The following AMPD3 variants were observed in gnomAD, a reference collection of about 807,000 sequenced individuals.
AMPD3 encodes the protein adenosine monophosphate deaminase 3, also known as AMP deaminase 3.
In AMPD3, 57 loss-of-function variants were observed where a neutral mutation model predicts 82.3. The ratio of observed to expected loss-of-function variants is 0.69; its 90% CI spans 0.56 to 0.86. The LOEUF (loss-of-function observed/expected upper bound fraction) is 0.86, where lower values mean the gene tolerates loss of function less well. AMPD3 is among the 40% of genes least tolerant of loss of function. The pLI is 0.00. For synonymous variants in AMPD3, 381 were observed against 394.7 expected (o/e 0.97, Z 0.41); for missense variants, 870 against 1,003.8 (o/e 0.87, Z 1.80).
intron 2 of AMPD3, among the ~76,000 whole-genome samples, chr11:10,476,522 C>T (rs950649757): frequency 1.3e-5 from 2 of 151,474 alleles, no homozygotes; most frequent in African/African-American, 2.4e-5. Flanking sequence ...AGCTGTTGCT[C>T]ACCTTAGATG....
chr11:10,492,172 T>A (rs1849258266), intron 6 of AMPD3, among the ~76,000 whole-genome samples: 1 of 152,232 alleles, frequency 6.6e-6, no homozygotes, highest in Admixed American at 6.5e-5. Context: ...GAGACCTTGC[T>A]GGGCTCCTTC....
At chr11:10,460,304 G>A (rs965171182) in intron 1 of AMPD3, among the ~76,000 whole-genome samples, 2 of 150,954 alleles carry the variant, frequency 1.3e-5, no homozygotes, top group African/African-American at 4.9e-5. Context: ...TTGCCATGTT[G>A]TCCAGGCTGG....
Position 10,507,383 on chromosome 11 carries a change from G to A in AMPD3, c.*1499G>A, listed in dbSNP as rs1849737312. ...AAGTATAAATGCAGTCTTTTTACTA[G>A]GCAGATATATATGCTATCTTACAGC... On this transcript the variant is annotated 3_prime_UTR_variant, in exon 15 of 15. Transcript: ENST00000396553. 1 of 151,704 alleles carries A rather than the reference G, an allele frequency of 6.6e-6. No homozygotes were observed. Among genetic ancestry groups the A allele is most frequent in the Non-Finnish European group, 1.5e-5 (1 of 68,028 alleles). The allele number at this position is 151,704 out of a possible 1,614,324, so 9.4% of individuals were successfully genotyped here. A position where few individuals can be genotyped will look rare whatever the true frequency, so the allele number is the denominator to read the frequency against.
intron 6 of AMPD3, among the ~76,000 whole-genome samples, chr11:10,492,862 T>C (rs1016788985): frequency 3.3e-5 from 5 of 151,974 alleles, no homozygotes; most frequent in Non-Finnish European, 5.9e-5. Flanking sequence ...GTGGATGAGA[T>C]GGTGGAGAGA....
In AMPD3 at chr11:10,505,338, A is replaced by T. The variant is rs1849688102; in HGVS notation, c.2128-370A>T. On this transcript the variant is annotated intron_variant, in intron 14 of 14. Coordinates refer to ENST00000396553, the MANE Select transcript of AMPD3 (RefSeq NM_001025389.2). Reference sequence around the variant, plus strand: ...TTTCATGCGCAGTGTGGTGCCTTGGATTGGCCCTCCCCAGGAACATTGTCC... The same window carrying T: ...TTTCATGCGCAGTGTGGTGCCTTGGTTTGGCCCTCCCCAGGAACATTGTCC... 3.0e-6 allele frequency: 3 copies of T among 985,020 alleles called. No individual in the cohort carries two copies. In the African/African-American group the frequency reaches 5.3e-5, roughly 17 times the overall value. The allele number at this position is 985,020 out of a possible 1,614,324, so 61.0% of individuals were successfully genotyped here. A position where few individuals can be genotyped will look rare whatever the true frequency, so the allele number is the denominator to read the frequency against.
Position 10,493,439 on chromosome 11 carries a change from A to C in AMPD3, c.1030A>C (p.Thr344Pro), listed in dbSNP as rs886990242. Residue 344 changes from threonine to proline, a missense_variant, in exon 7 of 15, where the codon ACT becomes CCT. Physicochemically the swap from Thr to Pro is conservative, Grantham distance 38. Transcript: ENST00000396553. ...KHTYQTEPDR[T>P]VAEKRGRKIT... ...CACATACCAGACGGAGCCTGACAGG[A>C]CTGTGGCAGAGAAGCGGGGCCGGAA... 3.7e-6 allele frequency: 6 copies of C among 1,614,088 alleles called. No homozygotes were observed. The African/African-American group carries it at 8.0e-5, about 22-fold the overall frequency.
rs868459555 is a variant in AMPD3 at position 10,492,033 on chromosome 11, A to G, written c.940-1316A>G. ...CAGGCATCAAGAAATTCCATTATTA[A>G]GAGGTCTGGTAGTGAGGATGAGCTG... On this transcript the variant is annotated intron_variant, in intron 6 of 14. Coordinates refer to ENST00000396553, the MANE Select transcript of AMPD3 (RefSeq NM_001025389.2). Among the ~76,000 whole-genome samples the G allele has an allele frequency of 6.6e-5, 10 of 152,324 alleles. No individual in the cohort carries two copies. The Middle Eastern group carries it at 0.01, about 155-fold the overall frequency.
At chr11:10,484,690 A>G in intron 4 of AMPD3, 130 bp from the exon 5 acceptor site, 1 of 1,257,732 alleles carries the variant, frequency 8.0e-7, no homozygotes, top group South Asian at 1.3e-5. Context: ...AGGGAAGAGC[A>G]TATGAGATGC....
chr11:10,498,581 G>A (rs1849488717), intron 10 of AMPD3: 1 of 152,444 alleles, frequency 6.6e-6, no homozygotes, highest in Admixed American at 6.5e-5. Context: ...AACCCGTCTA[G>A]GGAGTGCTTA....
At chr11:10,503,330 T>G (rs1410722909) in intron 13 of AMPD3, among the ~76,000 whole-genome samples, 1 of 152,352 alleles carries the variant, frequency 6.6e-6, no homozygotes, top group East Asian at 1.9e-4. Context: ...TCAATGCTAT[T>G]ATAATTTCTA....
At chr11:10,469,484 T>C (rs536604459) in intron 2 of AMPD3, among the ~76,000 whole-genome samples, 1 of 152,246 alleles carries the variant, frequency 6.6e-6, no homozygotes, top group Non-Finnish European at 1.5e-5. Context: ...TAACAAGTTA[T>C]GAAATTGAGG....
At chr11:10,503,319 A>T (rs1166521264) in intron 13 of AMPD3, among the ~76,000 whole-genome samples, 2 of 152,252 alleles carry the variant, frequency 1.3e-5, no homozygotes, top group Non-Finnish European at 2.9e-5. Context: ...TACTTTTTAA[A>T]TCAATGCTAT....
chr11:10,497,773 G>T (rs1435981822), intron 10 of AMPD3: 6 of 985,244 alleles, frequency 6.1e-6, no homozygotes, highest in Admixed American at 6.1e-5. Context: ...GACAGGAGGG[G>T]AGCTTGACCC....
chr11:10,460,458 G>A (rs1249640602), intron 1 of AMPD3, among the ~76,000 whole-genome samples: 1 of 150,576 alleles, frequency 6.6e-6, no homozygotes, highest in Non-Finnish European at 1.5e-5. Context: ...CCAGGTTGGA[G>A]TGAAGTGGCT....
upstream of AMPD3, among the ~76,000 whole-genome samples, chr11:10,454,306 C>G (rs910680907): frequency 1.3e-5 from 2 of 152,196 alleles, no homozygotes; most frequent in African/African-American, 4.8e-5. Flanking sequence ...TCTGTCTGAA[C>G]CCGATGCAAT....
At chr11:10,474,172 C>T (rs11042829) in intron 2 of AMPD3, among the ~76,000 whole-genome samples, 8,182 of 152,240 alleles carry the variant, frequency 0.054, 356 homozygotes, top group South Asian at 0.22. Context: ...CCATCACAGT[C>T]GGCCCCTGGA....
Position 10,502,883 on chromosome 11 carries a change from C to T in AMPD3, c.2005C>T (p.His669Tyr). The T allele has an allele frequency of 6.2e-7, 1 of 1,614,178 alleles. No homozygotes were observed. The highest frequency in any genetic ancestry group is 2.2e-5 in the East Asian group (1 of 44,884). The change falls in exon 13 of 15, where the codon CAC becomes TAC. Residue 669 changes from histidine to tyrosine, a missense_variant. By Grantham distance (83) the His-to-Tyr change is moderately conservative. Transcript: ENST00000396553. Reference sequence around the variant, plus strand: ...TTCCACCGATGACCCCATGCAGTTCCACTACACGAAGGTAAGGACTTTGGG... The same window carrying T: ...TTCCACCGATGACCCCATGCAGTTCTACTACACGAAGGTAAGGACTTTGGG... ...SLSTDDPMQF[H>Y]YTKEALMEEY...
At chr11:10,502,585 G>A (rs1037458889) in intron 12 of AMPD3, 136 bp from the exon 13 acceptor site, 7 of 1,589,296 alleles carry the variant, frequency 4.4e-6, no homozygotes, top group East Asian at 4.5e-5. Context: ...CGAGGAACTC[G>A]GGTTGAGGAC....
chr11:10,464,934 G>A (rs1356747866), intron 2 of AMPD3, among the ~76,000 whole-genome samples: 1 of 152,230 alleles, frequency 6.6e-6, no homozygotes, highest in Admixed American at 6.5e-5. Context: ...TCACAGAGGT[G>A]ATGTGTGGTG....
Sources: gnomAD v4.1 joint callset for allele counts (sites outside exome capture counted in the v4.1 genomes callset) on GRCh38, gnomAD v4.1.1 for gene constraint, MANE v1.5 for transcripts, NCBI Gene and HGNC (gene_info 2026-07-23, HGNC 2026-07-21) for gene names.